SEMA3E: variants seen among roughly 807,000 people sequenced by gnomAD.
SEMA3E encodes the protein semaphorin 3E.
A neutral mutation model predicts 93.6 loss-of-function variants in SEMA3E; 49 were observed. The observed-to-expected ratio is 0.52, with a 90% CI of 0.42 to 0.66. The LOEUF is 0.66. Ranked by LOEUF, SEMA3E falls within the 30% of genes least tolerant of loss-of-function variation. The pLI is 0.00. For synonymous variants in SEMA3E, 363 were observed against 330.7 expected (o/e 1.10, Z -1.06); for missense variants, 906 against 964.8 (o/e 0.94, Z 0.81).
rs990415053 is a variant in SEMA3E at position 83,421,691 on chromosome 7, C to A, written c.457-3208G>T. On this transcript the variant is annotated intron_variant, in intron 4 of 16. Coordinates refer to ENST00000643230, the MANE Select transcript of SEMA3E (RefSeq NM_012431.3). Reference sequence around the variant, plus strand: ...TGAGGGCACTTCTCTCAAACTTGATCTTAACTTTGCTAGTCATCTGATTTA... The same window carrying A: ...TGAGGGCACTTCTCTCAAACTTGATATTAACTTTGCTAGTCATCTGATTTA... 2.8e-5 allele frequency among the ~76,000 whole-genome samples: 4 copies of A among 142,302 alleles called. 1 individual carries two copies. Among genetic ancestry groups the A allele is most frequent in the African/African-American group, 1.0e-4 (4 of 39,868 alleles). 93.4% of individuals were successfully genotyped at this position (142,302 alleles called of 152,430 possible). A position where few individuals can be genotyped will look rare whatever the true frequency, so the allele number is the denominator to read the frequency against.
chr7:83,448,060 T>A (rs535591820), intron 4 of SEMA3E, among the ~76,000 whole-genome samples: 4 of 152,226 alleles, frequency 2.6e-5, no homozygotes, highest in African/African-American at 9.6e-5. Flanking sequence ...TAGAGTTGAC[T>A]TATATTTAAA....
At chr7:83,479,551 T>C (rs115490183) in intron 2 of SEMA3E, among the ~76,000 whole-genome samples, 1 of 152,212 alleles carries the variant, frequency 6.6e-6, no homozygotes, top group East Asian at 1.9e-4. Flanking sequence ...TAGCTTCAGT[T>C]ATAACAATGA....
intron 1 of SEMA3E, among the ~76,000 whole-genome samples, chr7:83,515,275 A>G (rs1790903259): frequency 6.9e-6 from 1 of 144,732 alleles, no homozygotes; most frequent in South Asian, 2.3e-4. Context: ...TTTAAACTCA[A>G]TAAATGACTT....
chr7:83,455,344 C>G (rs1789458697), intron 4 of SEMA3E, among the ~76,000 whole-genome samples: 2 of 152,174 alleles, frequency 1.3e-5, no homozygotes, highest in African/African-American at 4.8e-5. Context: ...TTAATCTTTG[C>G]AAGGAGAAAT....
At chr7:83,594,954 G>GA (rs375713003) in intron 1 of SEMA3E, among the ~76,000 whole-genome samples, 35,381 of 138,816 alleles carry the variant, frequency 0.25, 4,437 homozygotes, top group African/African-American at 0.31. Context: ...GAACTTCTGG[G>GA]AAAAAAAAAA....
chr7:83,396,693 T>A lies in SEMA3E; in HGVS notation c.1403A>T (p.Asn468Ile). 1 of 1,607,236 alleles carries A rather than the reference T, an allele frequency of 6.2e-7. No homozygotes were observed. The highest frequency in any genetic ancestry group is 1.1e-5 in the South Asian group (1 of 90,890). The change falls in exon 12 of 17, where the codon AAC (asparagine) becomes ATC (isoleucine). Residue 468 changes from asparagine to isoleucine, a missense_variant. By Grantham distance (149) the Asn-to-Ile change is moderately radical. Transcript: ENST00000643230. ...GIVLKVITIY[N>I]QEMESMEEVI... Reference sequence around the variant, plus strand: ...TTCTTCCATTGATTCCATTTCTTGGTTGTAAATTGTGATTACTTTCAGCAC... The same window carrying A: ...TTCTTCCATTGATTCCATTTCTTGGATGTAAATTGTGATTACTTTCAGCAC...
intron 1 of SEMA3E, among the ~76,000 whole-genome samples, chr7:83,494,965 G>C (rs956300936): frequency 3.3e-5 from 5 of 151,840 alleles, no homozygotes; most frequent in Non-Finnish European, 7.4e-5. Context: ...TGGTAAAAAG[G>C]GTGGTTTCTA....
chr7:83,435,473 G>A (rs986085256), intron 4 of SEMA3E, among the ~76,000 whole-genome samples: 1 of 152,058 alleles, frequency 6.6e-6, no homozygotes, highest in African/African-American at 2.4e-5. Flanking sequence ...GCACAAGCCT[G>A]TAATCCCAGC....
intron 5 of SEMA3E, among the ~76,000 whole-genome samples, chr7:83,417,901 T>C (rs1214255605): frequency 6.6e-6 from 1 of 152,120 alleles, no homozygotes; most frequent in Admixed American, 6.5e-5. Context: ...TAGTTTACAT[T>C]CTAGATTAAC....
intron 5 of SEMA3E, among the ~76,000 whole-genome samples, chr7:83,409,553 A>G (rs1788399978): frequency 6.6e-6 from 1 of 152,160 alleles, no homozygotes; most frequent in South Asian, 2.1e-4. Context: ...CATAGTACTA[A>G]TGCTTTTTTG....
At chr7:83,440,801 CAAAAA>C (rs55851135) in intron 4 of SEMA3E, among the ~76,000 whole-genome samples, 3 of 123,810 alleles carry the variant, frequency 2.4e-5, no homozygotes, top group Admixed American at 8.0e-5. Flanking sequence ...GACTCCGTCT[CAAAAA>C]AAAAAAAAAA....
chr7:83,470,862 C>CT (rs60392556), intron 2 of SEMA3E, among the ~76,000 whole-genome samples: 17,068 of 139,656 alleles, frequency 0.12, 1,706 homozygotes, highest in African/African-American at 0.24. Flanking sequence ...CCCACATTTT[C>CT]TTTTTTTTTT....
intron 1 of SEMA3E, among the ~76,000 whole-genome samples, chr7:83,633,368 A>G (rs1425682997): frequency 3.9e-5 from 6 of 152,180 alleles, no homozygotes; most frequent in African/African-American, 7.2e-5. Flanking sequence ...TTAGTCAGAG[A>G]AAGGTTAAGT....
chr7:83,406,615 T>G (rs972992665), intron 7 of SEMA3E, among the ~76,000 whole-genome samples: 2 of 152,012 alleles, frequency 1.3e-5, no homozygotes, highest in African/African-American at 4.8e-5. Context: ...CATTTGTAAT[T>G]TTATTTGATT....
intron 14 of SEMA3E, 134 bp from the exon 15 acceptor site, chr7:83,387,184 A>T (rs891354128): frequency 9.2e-6 from 7 of 760,492 alleles, no homozygotes; most frequent in Non-Finnish European, 1.5e-5. Flanking sequence ...AAAAGAATAA[A>T]ATCCAAGTTT....
intron 4 of SEMA3E, among the ~76,000 whole-genome samples, chr7:83,434,744 C>T (rs566725652): frequency 2.7e-4 from 37 of 136,976 alleles, no homozygotes; most frequent in East Asian, 4.4e-4. Flanking sequence ...GACGGAGTCT[C>T]GCTCTGTCGC....
chr7:83,648,077 A>G (rs905224546), intron 1 of SEMA3E, among the ~76,000 whole-genome samples: 1 of 152,144 alleles, frequency 6.6e-6, no homozygotes, highest in Non-Finnish European at 1.5e-5. Flanking sequence ...TTAAATATCT[A>G]CTGTTAACTT....
intron 1 of SEMA3E, among the ~76,000 whole-genome samples, chr7:83,512,499 A>C (rs1790845387): frequency 6.6e-6 from 1 of 152,234 alleles, no homozygotes; most frequent in Non-Finnish European, 1.5e-5. Flanking sequence ...AGAGATGGGC[A>C]TTACATTCAA....
At chr7:83,455,111 T>C (rs1328819351) in intron 4 of SEMA3E, among the ~76,000 whole-genome samples, 2 of 152,220 alleles carry the variant, frequency 1.3e-5, no homozygotes, top group Non-Finnish European at 2.9e-5. Context: ...ACAGAGTACA[T>C]TGTTGATTAT....
Sources: allele counts gnomAD v4.1 joint callset (sites outside exome capture counted in the v4.1 genomes callset), GRCh38; gene constraint gnomAD v4.1.1; transcripts MANE v1.5; gene names NCBI Gene and HGNC (gene_info 2026-07-23, HGNC 2026-07-21).